CSMD3: variants seen among roughly 807,000 people sequenced by gnomAD.
CSMD3 encodes the protein CUB and sushi domain-containing protein 3.
Under a neutral mutation model 435.2 loss-of-function variants are expected in CSMD3, and 177 were observed. The ratio of observed to expected loss-of-function variants is 0.41; its 90% CI spans 0.36 to 0.46. CSMD3 has a LOEUF of 0.46. Ranked by LOEUF, CSMD3 falls within the 20% of genes least tolerant of loss-of-function variation. The pLI, the probability that CSMD3 is intolerant of heterozygous loss-of-function variation, is 0.34. For missense variants in CSMD3, 4,265 were observed against 4,504.6 expected (o/e 0.95, Z 1.52); for synonymous variants, 1,656 against 1,520.5 (o/e 1.09, Z -2.07).
At chr8:112,577,524 T>G (rs1416030149) in intron 23 of CSMD3, among the ~76,000 whole-genome samples, 2 of 152,094 alleles carry the variant, frequency 1.3e-5, no homozygotes, top group Non-Finnish European at 2.9e-5. Flanking sequence ...CCTTTCTTTT[T>G]GTTTAATATG....
chr8:113,076,133 T>C (rs1171189966), intron 5 of CSMD3, among the ~76,000 whole-genome samples: 1 of 151,572 alleles, frequency 6.6e-6, no homozygotes, highest in Non-Finnish European at 1.5e-5. Flanking sequence ...TTATTTGTGA[T>C]ATGGAAATAA....
intron 24 of CSMD3, among the ~76,000 whole-genome samples, chr8:112,564,779 T>C (rs1359502273): frequency 6.6e-6 from 1 of 152,110 alleles, no homozygotes; most frequent in Non-Finnish European, 1.5e-5. Flanking sequence ...GTTTCTACAC[T>C]TCAAGGAGTG....
chr8:112,759,999 T>G (rs2077798470), intron 13 of CSMD3, among the ~76,000 whole-genome samples: 1 of 152,118 alleles, frequency 6.6e-6, no homozygotes, highest in Admixed American at 6.6e-5. Flanking sequence ...GGTAAGTAAC[T>G]CTTCAAGGTC....
chr8:112,371,066 T>C (rs1452451980), intron 38 of CSMD3, among the ~76,000 whole-genome samples: 2 of 152,088 alleles, frequency 1.3e-5, no homozygotes, highest in Non-Finnish European at 2.9e-5. Flanking sequence ...TCAGAAAACA[T>C]GCAGCTGCCC....
chr8:112,756,240 T>C (rs748876961), intron 13 of CSMD3, among the ~76,000 whole-genome samples: 24 of 152,174 alleles, frequency 1.6e-4, no homozygotes, highest in Admixed American at 4.6e-4. Context: ...ATTTAATGCA[T>C]GTTTTAGAAC....
At chr8:113,420,087 T>C (rs948617231) in intron 1 of CSMD3, among the ~76,000 whole-genome samples, 4 of 152,110 alleles carry the variant, frequency 2.6e-5, no homozygotes, top group African/African-American at 9.7e-5. Flanking sequence ...ACAAAAATTA[T>C]CAAGACAGGA....
At chr8:112,580,423 C>A (rs1040735544) in intron 23 of CSMD3, among the ~76,000 whole-genome samples, 4 of 151,784 alleles carry the variant, frequency 2.6e-5, no homozygotes, top group African/African-American at 9.7e-5. Flanking sequence ...TGCATCTTAC[C>A]CTTTTTGTAG....
At chr8:112,707,115 TGAAAGAACCTTA>T (rs541769621) in intron 13 of CSMD3, among the ~76,000 whole-genome samples, 60 of 152,182 alleles carry the variant, frequency 3.9e-4, no homozygotes, top group African/African-American at 1.3e-3. Context: ...ATTTTTCTTT[TGAAAGAACCTTA>T]ACTGCATACA....
At chr8:112,998,196 G>T (rs2085727037) in intron 6 of CSMD3, among the ~76,000 whole-genome samples, 1 of 151,868 alleles carries the variant, frequency 6.6e-6, no homozygotes, top group Middle Eastern at 3.4e-3. Flanking sequence ...AATAATGATT[G>T]TTTTAATGAA....
At chr8:112,231,663 G>A (rs756745702) in intron 68 of CSMD3, 31 bp from the exon 69 acceptor site, 1 of 1,209,574 alleles carries the variant, frequency 8.3e-7, no homozygotes, top group African/African-American at 1.5e-5. Flanking sequence ...AAATATACTT[G>A]AATACTGGCC....
chr8:112,543,545 T>C (rs1044020472), intron 27 of CSMD3, among the ~76,000 whole-genome samples: 3 of 152,080 alleles, frequency 2.0e-5, no homozygotes, highest in Non-Finnish European at 4.4e-5. Context: ...TATTACTTCA[T>C]ACCTGTCAGG....
rs371438115 is a variant in CSMD3 at position 112,397,546 on chromosome 8, C to G, written c.5810-6758G>C. Reference sequence around the variant, plus strand: ...CAACAGAAATTTATTTCTCACAGTTCTGGAAGCTGGGAAGTCAGCACTGGT... The same window carrying G: ...CAACAGAAATTTATTTCTCACAGTTGTGGAAGCTGGGAAGTCAGCACTGGT... On this transcript the variant is annotated intron_variant, in intron 35 of 70. Coordinates refer to ENST00000297405, the MANE Select transcript of CSMD3 (RefSeq NM_198123.2). 5.9e-5 allele frequency among the ~76,000 whole-genome samples: 9 copies of G among 152,248 alleles called. No individual in the cohort carries two copies. In the East Asian group the frequency reaches 9.7e-4, roughly 16 times the overall value.
chr8:112,265,318 A>C (rs1038217642), intron 60 of CSMD3, 93 bp downstream of exon 60: 14 of 860,848 alleles, frequency 1.6e-5, no homozygotes, highest in African/African-American at 1.1e-4. Flanking sequence ...GGAACTAAAA[A>C]ATTTTATTTA....
At chr8:112,981,648 A>G (rs761683603) in intron 6 of CSMD3, among the ~76,000 whole-genome samples, 2 of 151,702 alleles carry the variant, frequency 1.3e-5, no homozygotes, top group Admixed American at 6.6e-5. Context: ...ATGTAGTGGT[A>G]CATCTACTAA....
chr8:113,330,442 A>G (rs78864605), intron 1 of CSMD3, among the ~76,000 whole-genome samples: 1 of 152,050 alleles, frequency 6.6e-6, no homozygotes, highest in Admixed American at 6.5e-5. Flanking sequence ...CAAAATGACA[A>G]GAATAAGTTC....
chr8:112,497,230 A>C (rs1414214735), intron 30 of CSMD3, among the ~76,000 whole-genome samples: 3 of 152,108 alleles, frequency 2.0e-5, no homozygotes, highest in Non-Finnish European at 4.4e-5. Flanking sequence ...AAGGGGTGGG[A>C]AGTGGGGACA....
intron 30 of CSMD3, among the ~76,000 whole-genome samples, chr8:112,496,074 G>A (rs1022339952): frequency 1.3e-5 from 2 of 151,914 alleles, no homozygotes; most frequent in South Asian, 4.1e-4. Context: ...GGTTCACACC[G>A]TTCTCCTGCC....
chr8:113,270,306 ATTAAAAAGTCG>A, intron 3 of CSMD3, among the ~76,000 whole-genome samples: 1 of 67,986 alleles, frequency 1.5e-5, no homozygotes, highest in Non-Finnish European at 2.9e-5. Flanking sequence ...AAAGTCGATC[ATTAAAAAGTCG>A]GGAAACAACA....
At chr8:112,516,299 T>C (rs1823662674) in intron 28 of CSMD3, among the ~76,000 whole-genome samples, 1 of 152,138 alleles carries the variant, frequency 6.6e-6, no homozygotes, top group African/African-American at 2.4e-5. Context: ...GAAAACATAG[T>C]TTGTTCAAAA....
Sources: gnomAD v4.1 joint callset for allele counts (sites outside exome capture counted in the v4.1 genomes callset) on GRCh38, gnomAD v4.1.1 for gene constraint, MANE v1.5 for transcripts, NCBI Gene and HGNC (gene_info 2026-07-23, HGNC 2026-07-21) for gene names.